The following SCN11A variants were observed in gnomAD, a reference collection of about 807,000 sequenced individuals.
The protein encoded by SCN11A is sodium voltage-gated channel alpha subunit 11, also known as sodium channel protein type 11 subunit alpha.
In SCN11A, 122 loss-of-function variants were observed where a neutral mutation model predicts 162.2. That is an observed-to-expected ratio of 0.75 (90% confidence interval 0.65 to 0.87). The LOEUF is 0.87. SCN11A is among the 40% of genes least tolerant of loss of function. SCN11A has a pLI of 0.00. For missense variants in SCN11A, 2,015 were observed against 2,181.6 expected (o/e 0.92, Z 1.52); for synonymous variants, 758 against 751.5 (o/e 1.01, Z -0.14).
chr3:38,944,562 G>C (rs1258356849), intron 7 of SCN11A, among the ~76,000 whole-genome samples: 1 of 151,814 alleles, frequency 6.6e-6, no homozygotes, highest in African/African-American at 2.4e-5. Context: ...TCCTGACCTC[G>C]TGATCCACCC....
chr3:38,981,894 C>A lies in SCN11A; in HGVS notation c.-279-21471G>T, dbSNP rs143300102. Among the ~76,000 whole-genome samples the A allele has an allele frequency of 1.2e-3, 180 of 151,986 alleles. 1 individual carries two copies. The East Asian group carries it at 0.03, about 26-fold the overall frequency. ...TGGCAGGCACCTGTAGTCCCAGCTA[C>A]TCAGGAGACTGAGACATGAGAATCA... On this transcript the variant is annotated intron_variant, in intron 2 of 29. Transcript: ENST00000302328.
At position 38,846,685 on chromosome 3, in the gene SCN11A, G is replaced by A. The variant is rs2064668698; in HGVS notation, c.*9C>T. The A allele has an allele frequency of 6.2e-7, 1 of 1,611,232 alleles. No individual in the cohort carries two copies. Among genetic ancestry groups the A allele is most frequent in the Non-Finnish European group, 8.5e-7 (1 of 1,177,672 alleles). ...TGTGAAGCTATGAGGTAGGCGTGGAGGTGAGGGCTCAGTCACAGTGGACCT... is the reference window on the plus strand; with the variant it reads ...TGTGAAGCTATGAGGTAGGCGTGGAAGTGAGGGCTCAGTCACAGTGGACCT... On this transcript the variant is annotated 3_prime_UTR_variant, in exon 30 of 30. Transcript: ENST00000302328.
At chr3:38,863,156 A>T in intron 28 of SCN11A, 39 bp downstream of exon 28, 1 of 1,175,986 alleles carries the variant, frequency 8.5e-7, no homozygotes, top group Non-Finnish European at 1.3e-6. Flanking sequence ...ACAGTAACTC[A>T]ACTGTTCTAC....
intron 13 of SCN11A, 96 bp downstream of exon 13, chr3:38,908,901 G>C (rs1559525101): frequency 9.8e-7 from 1 of 1,022,608 alleles, no homozygotes. Flanking sequence ...CTGAGACCAG[G>C]CCAAGGGTGG....
In SCN11A at chr3:39,000,263, C is replaced by G. The variant is rs75842640; in HGVS notation, c.-280+32117G>C. Among the ~76,000 whole-genome samples, 454 of 152,304 alleles carry G rather than the reference C, an allele frequency of 3.0e-3. 18 individuals carry two copies. In the East Asian group the frequency reaches 0.08, roughly 27 times the overall value. ...GAGCTGACAAGACTTAAAATCCTTTCCCCCTGTTGGGAGTCTGTTCGGAAG... is the reference window on the plus strand; with the variant it reads ...GAGCTGACAAGACTTAAAATCCTTTGCCCCTGTTGGGAGTCTGTTCGGAAG... On this transcript the variant is annotated intron_variant, in intron 2 of 29. Coordinates refer to ENST00000302328, the MANE Select transcript of SCN11A (RefSeq NM_001349253.2).
rs779026477 is a variant in SCN11A at position 38,870,690 on chromosome 3, C to T, written c.3813+1G>A. On this transcript the variant is annotated splice_donor_variant, in intron 26 of 29. Transcript: ENST00000302328. LOFTEE classifies it high-confidence loss of function. ...CAGAACATGGTAGAACACTGACTCA[C>T]CTCTGTGGAATCAACAGCTGCATAT... 1 of 1,612,904 alleles carries T rather than the reference C, an allele frequency of 6.2e-7. No homozygotes were observed. Among genetic ancestry groups the T allele is most frequent in the Admixed American group, 1.7e-5 (1 of 59,996 alleles).
intron 14 of SCN11A, among the ~76,000 whole-genome samples, chr3:38,906,526 C>T (rs575268590): frequency 1.2e-4 from 18 of 152,248 alleles, no homozygotes; most frequent in African/African-American, 2.6e-4. Flanking sequence ...CTAATCATGT[C>T]GGAAACCAGG....
At chr3:38,870,583 G>A in intron 26 of SCN11A, 108 bp downstream of exon 26, 4 of 877,946 alleles carry the variant, frequency 4.6e-6, no homozygotes, top group Non-Finnish European at 7.3e-6. Context: ...AAACAAGGCA[G>A]AGAACCCCAG....
At position 38,897,200 on chromosome 3, in the gene SCN11A, G is replaced by A. The variant is rs1402060458; in HGVS notation, c.2048C>T (p.Ser683Phe). The A allele has an allele frequency of 2.5e-6, 4 of 1,610,906 alleles. No individual in the cohort carries two copies. Among genetic ancestry groups the A allele is most frequent in the Non-Finnish European group, 3.4e-6 (4 of 1,178,482 alleles). The change falls in exon 18 of 30, where the codon TCC (serine) becomes TTC (phenylalanine). Residue 683 changes from serine to phenylalanine, a missense_variant. Coordinates refer to ENST00000302328, the MANE Select transcript of SCN11A (RefSeq NM_001349253.2). ...AATTAGTGTGTTCAAAGTTGGCCAG[G>A]ATTTGGCTAACTTGAAGACCCTGAG... ...RVLRVFKLAK[S>F]WPTLNTLIKI...
At chr3:38,914,023 T>G (rs2065923840) in intron 11 of SCN11A, among the ~76,000 whole-genome samples, 1 of 152,214 alleles carries the variant, frequency 6.6e-6, no homozygotes, top group African/African-American at 2.4e-5. Flanking sequence ...TTTTAAATTC[T>G]GTCAAGAATG....
chr3:38,946,876 A>T lies in SCN11A; in HGVS notation c.299T>A (p.Ile100Asn). 1 of 1,613,458 alleles carries T rather than the reference A, an allele frequency of 6.2e-7. No individual in the cohort carries two copies. The highest frequency in any genetic ancestry group is 8.5e-7 in the Non-Finnish European group (1 of 1,179,708). The change falls in exon 6 of 30, where the codon ATC becomes AAC. Residue 100 changes from isoleucine (I) to asparagine (N), a missense_variant. By Grantham distance (149) the Ile-to-Asn change is moderately radical (BLOSUM62 -3). Coordinates refer to ENST00000302328, the MANE Select transcript of SCN11A (RefSeq NM_001349253.2). The stretch of plus-strand genomic sequence containing the variant: ...GGCATGCTTGGCACTGAAGCGGTAG[A>T]TTGTCCTCTTTCTGTTTAACACCAT... ...TFMVLNRKRT[I>N]YRFSAKHALF... is the part of the protein sequence containing the mutation.
At chr3:39,011,865 A>G (rs1477104161) in intron 2 of SCN11A, among the ~76,000 whole-genome samples, 1 of 152,230 alleles carries the variant, frequency 6.6e-6, no homozygotes, top group African/African-American at 2.4e-5. Flanking sequence ...GATTACAATT[A>G]AGTCAAAAAA....
chr3:38,956,325 A>G (rs1201618576), intron 3 of SCN11A, among the ~76,000 whole-genome samples: 1 of 152,230 alleles, frequency 6.6e-6, no homozygotes, highest in Non-Finnish European at 1.5e-5. Flanking sequence ...AAAAATATTT[A>G]AACTATAAAG....
chr3:38,955,734 T>C (rs2066672732), intron 3 of SCN11A, among the ~76,000 whole-genome samples: 2 of 152,228 alleles, frequency 1.3e-5, no homozygotes, highest in South Asian at 4.1e-4. Flanking sequence ...GATAAAATTT[T>C]CAGATTCTGA....
At chr3:38,848,339 C>T (rs1348409238) in intron 29 of SCN11A, among the ~76,000 whole-genome samples, 1 of 152,144 alleles carries the variant, frequency 6.6e-6, no homozygotes, top group Non-Finnish European at 1.5e-5. Context: ...TTGGAACATG[C>T]TTGTCTTGTG....
intron 11 of SCN11A, among the ~76,000 whole-genome samples, chr3:38,914,671 A>G (rs892701160): frequency 3.9e-5 from 6 of 152,108 alleles, no homozygotes; most frequent in African/African-American, 1.4e-4. Flanking sequence ...TTCAATATCT[A>G]GTGTATTGAG....
chr3:38,987,355 T>G (rs1448485453), intron 2 of SCN11A, among the ~76,000 whole-genome samples: 2 of 144,010 alleles, frequency 1.4e-5, no homozygotes, highest in African/African-American at 2.6e-5. Flanking sequence ...GTCCTGTCCT[T>G]TACAGGATTC....
rs267599814 is a variant in SCN11A, at chr3:38,910,147, C to T, written c.1020G>A (p.Thr340=). The T allele has an allele frequency of 6.8e-6, 11 of 1,613,638 alleles. No individual in the cohort carries two copies. In the Admixed American group the frequency reaches 8.3e-5, roughly 12 times the overall value. ...AAGACCAGCCAAAGTTGTCAAAATT[C>T]GTATAATTATAGTCAGGATTAATTT... is the stretch of plus-strand genomic sequence containing the variant. The part of the protein sequence containing the change: ...HTKINPDYNY[T]NFDNFGWSFL... Residue 340 remains threonine (T), a synonymous_variant, in exon 12 of 30, where the codon ACG becomes ACA. Coordinates refer to ENST00000302328, the MANE Select transcript of SCN11A (RefSeq NM_001349253.2).
At position 39,046,576 on chromosome 3, in the gene SCN11A, G is replaced by T. The variant is rs1345577174; in HGVS notation, c.-404+5285C>A. 5.9e-5 allele frequency among the ~76,000 whole-genome samples: 9 copies of T among 152,064 alleles called. No individual in the cohort carries two copies. The East Asian group carries it at 1.7e-3, about 29-fold the overall frequency. On this transcript the variant is annotated intron_variant, in intron 1 of 29. Coordinates refer to ENST00000302328, the MANE Select transcript of SCN11A (RefSeq NM_001349253.2). The stretch of plus-strand genomic sequence containing the variant: ...TAGCCAAAGCAATCCTGAGCAAAAA[G>T]AACAAAATTGGAGGCATCACACTAA...
Sources: allele counts gnomAD v4.1 joint callset (sites outside exome capture counted in the v4.1 genomes callset), GRCh38; gene constraint gnomAD v4.1.1; transcripts MANE v1.5; gene names NCBI Gene and HGNC (gene_info 2026-07-23, HGNC 2026-07-21).